Variants in ARHGAP26 observed in about 807,000 individuals in gnomAD.
The protein encoded by ARHGAP26 is rho GTPase-activating protein 26.
In ARHGAP26, 38 loss-of-function variants were observed where a neutral mutation model predicts 104.8. The observed-to-expected ratio is 0.36, with a 90% confidence interval of 0.28 to 0.48. ARHGAP26 has a LOEUF of 0.48. Ranked by LOEUF, ARHGAP26 falls within the 20% of genes least tolerant of loss-of-function variation. The pLI, the probability that ARHGAP26 is intolerant of heterozygous loss-of-function variation, is 0.99. For missense variants in ARHGAP26, 704 were observed against 947.9 expected (o/e 0.74, Z 3.38); for synonymous variants, 341 against 340.0 (o/e 1.00, Z -0.03).
intron 20 of ARHGAP26, among the ~76,000 whole-genome samples, chr5:143,190,583 G>C (rs1009020671): frequency 2.1e-4 from 32 of 152,048 alleles, no homozygotes; most frequent in African/African-American, 7.7e-4. Flanking sequence ...CTAGAAGAAA[G>C]CATAGGAGAA....
At chr5:143,067,325 C>T (rs115221728) in intron 17 of ARHGAP26, among the ~76,000 whole-genome samples, 262 of 152,280 alleles carry the variant, frequency 1.7e-3, no homozygotes, top group African/African-American at 5.8e-3. Flanking sequence ...AAACGGCCCT[C>T]TTGACCTTCC....
intron 20 of ARHGAP26, among the ~76,000 whole-genome samples, chr5:143,156,500 G>A (rs1049227439): frequency 1.3e-5 from 2 of 152,176 alleles, no homozygotes; most frequent in Non-Finnish European, 2.9e-5. Context: ...CAGAATCTCA[G>A]GCCTCACCCT....
intron 1 of ARHGAP26, among the ~76,000 whole-genome samples, chr5:142,829,382 C>T (rs996365399): frequency 3.9e-5 from 6 of 152,236 alleles, no homozygotes; most frequent in Non-Finnish European, 8.8e-5. Flanking sequence ...GAATGAACCT[C>T]ATTTTCCAGT....
chr5:142,782,306 CTACAGG>C (rs1171701650), intron 1 of ARHGAP26, among the ~76,000 whole-genome samples: 1 of 152,186 alleles, frequency 6.6e-6, no homozygotes, highest in Non-Finnish European at 1.5e-5. Context: ...AAGATGAGGG[CTACAGG>C]TATAGGTTTG....
At chr5:143,220,290 G>A (rs952096903) in intron 22 of ARHGAP26, among the ~76,000 whole-genome samples, 3 of 152,148 alleles carry the variant, frequency 2.0e-5, no homozygotes, top group African/African-American at 4.8e-5. Context: ...AGCTTAGGTG[G>A]GTGGTAAGGG....
At chr5:142,992,339 C>T (rs1775728331) in intron 11 of ARHGAP26, among the ~76,000 whole-genome samples, 1 of 152,096 alleles carries the variant, frequency 6.6e-6, no homozygotes, top group South Asian at 2.1e-4. Context: ...TATCTTAACA[C>T]TATTGAATAA....
At chr5:142,885,672 A>T (rs915183505) in intron 5 of ARHGAP26, among the ~76,000 whole-genome samples, 47 of 152,104 alleles carry the variant, frequency 3.1e-4, no homozygotes, top group African/African-American at 1.1e-3. Context: ...TGATTGCTAG[A>T]TGTCTTCATT....
intron 19 of ARHGAP26, among the ~76,000 whole-genome samples, chr5:143,144,605 A>G (rs927138262): frequency 2.6e-5 from 4 of 152,092 alleles, no homozygotes; most frequent in South Asian, 2.1e-4. Flanking sequence ...TGGGGGTCTC[A>G]CTGTGTTTAC....
intron 17 of ARHGAP26, among the ~76,000 whole-genome samples, chr5:143,066,627 C>T (rs1208771711): frequency 6.6e-6 from 1 of 152,192 alleles, no homozygotes; most frequent in Admixed American, 6.5e-5. Context: ...GTCATTCTTG[C>T]TGACTAGATG....
chr5:143,191,478 T>C (rs1331332786), intron 20 of ARHGAP26, among the ~76,000 whole-genome samples: 1 of 152,194 alleles, frequency 6.6e-6, no homozygotes, highest in East Asian at 1.9e-4. Context: ...AAATGTGAGC[T>C]GTGTGACACT....
chr5:142,968,316 A>G (rs957529834), intron 11 of ARHGAP26, among the ~76,000 whole-genome samples: 12 of 152,218 alleles, frequency 7.9e-5, no homozygotes, highest in Non-Finnish European at 1.5e-4. Context: ...CCACTGTTAC[A>G]CTGCACAGTT....
At chr5:142,922,000 T>C (rs1047005199) in intron 10 of ARHGAP26, 2 of 152,188 alleles carry the variant, frequency 1.3e-5, no homozygotes, top group African/African-American at 4.8e-5. Flanking sequence ...TTTCAAGTTA[T>C]CTATAAGCTG....
intron 1 of ARHGAP26, among the ~76,000 whole-genome samples, chr5:142,786,336 A>G (rs917755912): frequency 6.6e-6 from 1 of 151,486 alleles, no homozygotes; most frequent in African/African-American, 2.4e-5. Context: ...TTCCTTTATC[A>G]CCCAGGCTGG....
At chr5:143,062,003 G>C (rs747882495) in intron 17 of ARHGAP26, among the ~76,000 whole-genome samples, 1 of 152,212 alleles carries the variant, frequency 6.6e-6, no homozygotes, top group African/African-American at 2.4e-5. Flanking sequence ...AGATTTATCT[G>C]AGCCACTTGT....
chr5:142,772,356 C>T (rs982675845), intron 1 of ARHGAP26, among the ~76,000 whole-genome samples: 5 of 152,194 alleles, frequency 3.3e-5, no homozygotes, highest in South Asian at 2.1e-4. Context: ...CAAGGCCATT[C>T]TTGGTTTAGG....
At chr5:143,195,416 C>T (rs914721873) in intron 20 of ARHGAP26, among the ~76,000 whole-genome samples, 1 of 152,078 alleles carries the variant, frequency 6.6e-6, no homozygotes, top group African/African-American at 2.4e-5. Flanking sequence ...AATCTTTTTC[C>T]TCCCCCTAGT....
intron 10 of ARHGAP26, among the ~76,000 whole-genome samples, chr5:142,923,134 T>C (rs1763428105): frequency 1.3e-5 from 2 of 152,178 alleles, no homozygotes; most frequent in Admixed American, 6.5e-5. Context: ...GTTTGCTGTT[T>C]GATTCTGGTT....
intron 1 of ARHGAP26, among the ~76,000 whole-genome samples, chr5:142,782,976 C>T (rs955575435): frequency 2.0e-5 from 3 of 152,194 alleles, no homozygotes; most frequent in African/African-American, 7.2e-5. Flanking sequence ...CTAGGCAGGT[C>T]TGGAAACCCG....
intron 1 of ARHGAP26, among the ~76,000 whole-genome samples, chr5:142,810,648 C>T (rs949895331): frequency 3.3e-5 from 5 of 152,154 alleles, no homozygotes; most frequent in African/African-American, 1.2e-4. Flanking sequence ...TTAGGAAGTT[C>T]CAGGAAACCA....
Sources: gnomAD v4.1 joint callset for allele counts (sites outside exome capture counted in the v4.1 genomes callset) on GRCh38, gnomAD v4.1.1 for gene constraint, MANE v1.5 for transcripts, NCBI Gene and HGNC (gene_info 2026-07-23, HGNC 2026-07-21) for gene names.